The following SND1 variants were observed in gnomAD, a reference collection of about 807,000 sequenced individuals.
SND1 encodes staphylococcal nuclease domain-containing protein 1.
A neutral mutation model predicts 121.7 loss-of-function variants in SND1; 38 were observed. The observed-to-expected ratio is 0.31, with a 90% confidence interval of 0.24 to 0.41. The LOEUF (loss-of-function observed/expected upper bound fraction) is 0.41. Among genes scored for constraint, SND1 ranks in the 10% least tolerant of loss-of-function variants. SND1 has a pLI of 1.00. For missense variants in SND1, 868 were observed against 1,184.6 expected (o/e 0.73, Z 3.92); for synonymous variants, 401 against 447.4 (o/e 0.90, Z 1.31).
chr7:128,038,128 A>G (rs1450522684), intron 16 of SND1, among the ~76,000 whole-genome samples: 1 of 152,368 alleles, frequency 6.6e-6, no homozygotes, highest in Admixed American at 6.5e-5. Context: ...ATCCATGCCT[A>G]TGCTTACAAT....
intron 12 of SND1, 29 bp from the exon 13 acceptor site, chr7:127,887,873 T>C (rs1799941119): frequency 6.7e-7 from 1 of 1,491,000 alleles, no homozygotes; most frequent in Admixed American, 1.7e-5. Flanking sequence ...GCACTTCTAG[T>C]GCTCACTGAC....
intron 12 of SND1, among the ~76,000 whole-genome samples, chr7:127,865,247 G>A (rs1385371365): frequency 6.6e-6 from 1 of 152,204 alleles, no homozygotes; most frequent in Non-Finnish European, 1.5e-5. Context: ...GCTTGGCCAT[G>A]GCCCTTACTA....
At chr7:127,770,566 A>G (rs1001795204) in intron 10 of SND1, among the ~76,000 whole-genome samples, 2 of 152,170 alleles carry the variant, frequency 1.3e-5, no homozygotes, top group Admixed American at 1.3e-4. Context: ...TGGAAAGGTT[A>G]AGTTACTTGT....
At position 127,922,175 on chromosome 7, in the gene SND1, C is replaced by CTTTTTTTTTTTTTTTTTTTT. The variant is rs1158535023; in HGVS notation, c.1528-7004_1528-6985dup. Reference sequence around the variant, plus strand: ...CCAGCTGATTTTCTTTTTTTCTTTCCTTTTTTTTTTTTTTTTTTTTTTTTT... The same window carrying CTTTTTTTTTTTTTTTTTTTT: ...CCAGCTGATTTTCTTTTTTTCTTTCCTTTTTTTTTTTTTTTTTTTTTTTTTTTTTTTTTTTTTTTTTTTTT... On this transcript the variant is annotated intron_variant, in intron 14 of 23. Coordinates refer to ENST00000354725, the MANE Select transcript of SND1 (RefSeq NM_014390.4). 1.5e-3 allele frequency among the ~76,000 whole-genome samples: 83 copies of CTTTTTTTTTTTTTTTTTTTT among 57,186 alleles called. 5 individuals carry two copies. The highest frequency in any genetic ancestry group is 1.7e-3 in the Non-Finnish European group (55 of 32,958). 37.5% of individuals were successfully genotyped at this position (57,186 alleles called of 152,430 possible).
At chr7:127,771,616 AAAG>A (rs754504800) in intron 10 of SND1, among the ~76,000 whole-genome samples, 13 of 152,228 alleles carry the variant, frequency 8.5e-5, no homozygotes, top group Non-Finnish European at 1.9e-4. Context: ...AATTAAAAAA[AAAG>A]AAGTCTTAAA....
intron 16 of SND1, among the ~76,000 whole-genome samples, chr7:128,066,582 T>C (rs1382224114): frequency 6.6e-6 from 1 of 152,220 alleles, no homozygotes; most frequent in African/African-American, 2.4e-5. Flanking sequence ...AGGTATTGCA[T>C]AGGCACAGCC....
intron 10 of SND1, among the ~76,000 whole-genome samples, chr7:127,724,101 A>G (rs1160820308): frequency 6.6e-6 from 1 of 152,202 alleles, no homozygotes; most frequent in African/African-American, 2.4e-5. Context: ...ACAGATACTT[A>G]TTTTGTGCCA....
intron 10 of SND1, among the ~76,000 whole-genome samples, chr7:127,759,307 AT>A (rs1797258120): frequency 6.6e-6 from 1 of 152,122 alleles, no homozygotes. Context: ...AATCAAATTA[AT>A]TTTTATCAAT....
chr7:127,776,977 A>G (rs1797632429), intron 10 of SND1, among the ~76,000 whole-genome samples: 1 of 152,212 alleles, frequency 6.6e-6, no homozygotes. Flanking sequence ...ATTCCTCTTC[A>G]TTCCTGTGGT....
At chr7:128,089,391 C>G in intron 21 of SND1, 98 bp from the exon 22 acceptor site, 1 of 1,214,740 alleles carries the variant, frequency 8.2e-7, no homozygotes, top group Non-Finnish European at 1.2e-6. Flanking sequence ...AATTACAGGC[C>G]CCTGCTGGCC....
rs530211259 is a variant in SND1 at position 127,890,336 on chromosome 7, G to A, written c.1454+2324G>A. 1.3e-3 allele frequency among the ~76,000 whole-genome samples: 194 copies of A among 152,234 alleles called. 2 individuals carry two copies. Among genetic ancestry groups the A allele is most frequent in the Non-Finnish European group, 2.4e-3 (161 of 68,004 alleles). On this transcript the variant is annotated intron_variant, in intron 13 of 23. Transcript: ENST00000354725. ...CTTTTTATGTCTTCTTTTGAGAAAT[G>A]TCTATTCAAATATTTTGCCTATTAT...
At chr7:127,997,804 T>C (rs61743021) in intron 16 of SND1, 14,226 of 534,724 alleles carry the variant, frequency 0.027, 1,012 homozygotes, top group African/African-American at 0.19. Flanking sequence ...ATCTCTCAGG[T>C]AGACTTACAC....
intron 11 of SND1, among the ~76,000 whole-genome samples, chr7:127,817,737 T>TG (rs1392150529): frequency 1.4e-5 from 2 of 146,428 alleles, no homozygotes; most frequent in Non-Finnish European, 3.0e-5. Context: ...TTTTTTTTTT[T>TG]TTTTTTTTTT....
At chr7:127,966,930 G>C (rs1801865920) in intron 15 of SND1, among the ~76,000 whole-genome samples, 2 of 151,932 alleles carry the variant, frequency 1.3e-5, no homozygotes, top group Admixed American at 1.3e-4. Flanking sequence ...TTTTTTGAAA[G>C]GATCAACAAA....
At position 127,896,703 on chromosome 7, in the gene SND1, A is replaced by G. The variant is rs186544862; in HGVS notation, c.1455-8044A>G. Among the ~76,000 whole-genome samples, 15 of 152,226 alleles carry G rather than the reference A, an allele frequency of 9.9e-5. No homozygotes were observed. In the East Asian group the frequency reaches 1.4e-3, roughly 14 times the overall value. On this transcript the variant is annotated intron_variant, in intron 13 of 23. Coordinates refer to ENST00000354725, the MANE Select transcript of SND1 (RefSeq NM_014390.4). Reference sequence around the variant, plus strand: ...TGGAATGGATGAGCTTTGGATTTCTATAGTATGTCCCAGCTCTTTATTCCC... The same window carrying G: ...TGGAATGGATGAGCTTTGGATTTCTGTAGTATGTCCCAGCTCTTTATTCCC...
At chr7:128,065,062 A>G (rs372868646) in intron 16 of SND1, among the ~76,000 whole-genome samples, 2 of 152,222 alleles carry the variant, frequency 1.3e-5, no homozygotes, top group East Asian at 3.8e-4. Context: ...TTGATGGGAT[A>G]TGAGTCAAAG....
At chr7:127,927,404 C>G (rs1026414098) in intron 14 of SND1, among the ~76,000 whole-genome samples, 1 of 152,190 alleles carries the variant, frequency 6.6e-6, no homozygotes, top group African/African-American at 2.4e-5. Context: ...TGAATAGTGT[C>G]CCAGATTTAG....
At chr7:127,812,665 C>T (rs1798354778) in intron 11 of SND1, among the ~76,000 whole-genome samples, 2 of 152,070 alleles carry the variant, frequency 1.3e-5, no homozygotes, top group East Asian at 1.9e-4. Flanking sequence ...CCGAAGGTAC[C>T]GGGAGTAACA....
chr7:127,902,945 A>C (rs1375082000), intron 13 of SND1, among the ~76,000 whole-genome samples: 2 of 150,690 alleles, frequency 1.3e-5, no homozygotes, highest in Non-Finnish European at 3.0e-5. Context: ...GCAGTTGCGC[A>C]ATCTTGGCTC....
Sources: allele counts gnomAD v4.1 joint callset (sites outside exome capture counted in the v4.1 genomes callset), GRCh38; gene constraint gnomAD v4.1.1; transcripts MANE v1.5; gene names NCBI Gene and HGNC (gene_info 2026-07-23, HGNC 2026-07-21).